Variants in RPA3 observed in about 807,000 individuals in gnomAD.
RPA3 encodes the protein replication protein A 14 kDa subunit.
In RPA3, 24 loss-of-function variants were observed where a neutral mutation model predicts 13.7. That is an observed-to-expected ratio of 1.75 (90% confidence interval 1.27 to 2.46). RPA3 has a LOEUF of 2.46. Ranked by LOEUF, RPA3 falls within the 30% of genes most tolerant of loss-of-function variation. The pLI, the probability that RPA3 is intolerant of heterozygous loss-of-function variation, is 0.00. For missense variants in RPA3, 183 were observed against 151.0 expected, an observed-to-expected ratio of 1.21 and a Z score of -1.11; for synonymous variants, 59 against 51.2, an observed-to-expected ratio of 1.15 and a Z score of -0.65.
intron 2 of RPA3, among the ~76,000 whole-genome samples, chr7:7,696,874 T>G (rs1259824901): frequency 6.6e-6 from 1 of 152,078 alleles, no homozygotes; most frequent in African/African-American, 2.4e-5. Context: ...TTTCAGACAT[T>G]CCTTCTGAAA....
At chr7:7,644,686 T>A (rs1035425984) in intron 4 of RPA3, among the ~76,000 whole-genome samples, 3 of 152,216 alleles carry the variant, frequency 2.0e-5, no homozygotes, top group Non-Finnish European at 4.4e-5. Flanking sequence ...GTGGAGTCAA[T>A]TCTATTCTAT....
At chr7:7,690,073 T>C (rs1780137934) in intron 2 of RPA3, among the ~76,000 whole-genome samples, 1 of 152,164 alleles carries the variant, frequency 6.6e-6, no homozygotes. Context: ...CATTATATTT[T>C]CCCACCCATT....
At chr7:7,654,273 C>A (rs997382995) in intron 4 of RPA3, among the ~76,000 whole-genome samples, 1 of 152,134 alleles carries the variant, frequency 6.6e-6, no homozygotes, top group Admixed American at 6.5e-5. Flanking sequence ...AATTGTTTGA[C>A]GTCTGTTTTA....
chr7:7,640,192 T>C (rs1784932378), intron 5 of RPA3, 128 bp downstream of exon 5: 3 of 984,944 alleles, frequency 3.0e-6, no homozygotes, highest in Non-Finnish European at 4.7e-6. Context: ...AAAAGTTCCT[T>C]GTGCAAAATA....
chr7:7,708,083 C>G (rs1332122477), intron 2 of RPA3, among the ~76,000 whole-genome samples: 1 of 152,154 alleles, frequency 6.6e-6, no homozygotes, highest in Admixed American at 6.6e-5. Context: ...AGTCGTCATT[C>G]TTCTCTTAGC....
At chr7:7,656,735 G>C (rs1484285176) in intron 4 of RPA3, among the ~76,000 whole-genome samples, 1 of 152,126 alleles carries the variant, frequency 6.6e-6, no homozygotes, top group African/African-American at 2.4e-5. Context: ...ATTTGGTTTG[G>C]TTCCAAGTCT....
intron 4 of RPA3, among the ~76,000 whole-genome samples, chr7:7,654,431 G>C (rs919281651): frequency 1.3e-5 from 2 of 152,208 alleles, no homozygotes; most frequent in African/African-American, 4.8e-5. Context: ...AGACAGTACA[G>C]TTATCCTTCG....
intron 4 of RPA3, among the ~76,000 whole-genome samples, chr7:7,675,617 T>C (rs1779718920): frequency 6.6e-6 from 1 of 152,184 alleles, no homozygotes; most frequent in African/African-American, 2.4e-5. Context: ...AAGAAGGAAT[T>C]TCCGGGACCT....
intron 4 of RPA3, among the ~76,000 whole-genome samples, chr7:7,678,787 A>G (rs867800164): frequency 0.019 from 494 of 26,158 alleles, 2 homozygotes; most frequent in East Asian, 0.044. Context: ...ATATATTTAT[A>G]TATTTAGTTT....
intron 4 of RPA3, among the ~76,000 whole-genome samples, chr7:7,652,930 G>C (rs1159675159): frequency 6.6e-6 from 1 of 152,142 alleles, no homozygotes; most frequent in East Asian, 1.9e-4. Flanking sequence ...AAATGAGCGA[G>C]CAAATAGAAT....
Position 7,654,902 on chromosome 7 carries a change from CAAA to C in RPA3, c.-757-13730_-757-13728del, listed in dbSNP as rs71010994. Among the ~76,000 whole-genome samples the C allele has an allele frequency of 4.9e-3, 679 of 139,420 alleles. 2 individuals are homozygous for C. Among genetic ancestry groups the C allele is most frequent in the African/African-American group, 0.017 (646 of 36,942 alleles). 91.5% of individuals were successfully genotyped at this position (139,420 alleles called of 152,430 possible). On this transcript the variant is annotated intron_variant, in intron 4 of 7. Transcript: ENST00000223129. ...TGAGTGACAGAGTAAGACTCTGTCT[CAAA>C]AAAAAAAAAAAAATTTGTGATATTT...
chr7:7,667,196 C>T (rs1476046234), intron 4 of RPA3, among the ~76,000 whole-genome samples: 1 of 152,156 alleles, frequency 6.6e-6, no homozygotes, highest in East Asian at 1.9e-4. Flanking sequence ...GGTTCTAGCT[C>T]AGATAGGTAA....
chr7:7,663,885 C>G (rs1033708810), intron 4 of RPA3, among the ~76,000 whole-genome samples: 1 of 152,124 alleles, frequency 6.6e-6, no homozygotes, highest in African/African-American at 2.4e-5. Flanking sequence ...CTAGTCAAAA[C>G]AAGCAAAGGT....
At chr7:7,648,067 A>T (rs564011741) in intron 4 of RPA3, among the ~76,000 whole-genome samples, 402 of 152,326 alleles carry the variant, frequency 2.6e-3, no homozygotes, top group Non-Finnish European at 4.3e-3. Flanking sequence ...TTTGTAGCTT[A>T]GCTGACAGCT....
intron 2 of RPA3, among the ~76,000 whole-genome samples, chr7:7,709,084 T>A (rs1780682760): frequency 6.6e-6 from 1 of 152,188 alleles, no homozygotes; most frequent in South Asian, 2.1e-4. Flanking sequence ...TCTTTCAGTG[T>A]CTTGCATAAT....
In RPA3 at chr7:7,687,288, A is replaced by G. The variant is rs1780062235; in HGVS notation, c.-987T>C. 6.6e-6 allele frequency: 1 copy of G among 152,222 alleles called. No individual in the cohort carries two copies. The highest frequency in any genetic ancestry group is 6.5e-5 in the Admixed American group (1 of 15,278). The allele number at this position is 152,222 out of a possible 1,614,324, so 9.4% of individuals were successfully genotyped here. A position where few individuals can be genotyped will look rare whatever the true frequency, so the allele number is the denominator to read the frequency against. On this transcript the variant is annotated 5_prime_UTR_variant, in exon 3 of 8. The change abolishes an upstream ATG in the 5' untranslated region. Coordinates refer to ENST00000223129, the MANE Select transcript of RPA3 (RefSeq NM_002947.5). Reference sequence around the variant, plus strand: ...AATGATATCATGGTGTCTTCATTACATTGTTGCAGGAGATGAAGCAAAAGG... The same window carrying G: ...AATGATATCATGGTGTCTTCATTACGTTGTTGCAGGAGATGAAGCAAAAGG...
At chr7:7,699,049 TGG>T (rs63713363) in intron 2 of RPA3, among the ~76,000 whole-genome samples, 51,204 of 143,612 alleles carry the variant, frequency 0.36, 8,855 homozygotes, top group South Asian at 0.39. Context: ...TGTGTGTGTG[TGG>T]GGGGGGGGTA....
chr7:7,647,759 G>C (rs1227420972), intron 4 of RPA3, among the ~76,000 whole-genome samples: 2 of 152,128 alleles, frequency 1.3e-5, no homozygotes, highest in East Asian at 3.9e-4. Context: ...ATCACACCCA[G>C]CTAATTTAAA....
chr7:7,695,516 G>A (rs1440785973), intron 2 of RPA3, among the ~76,000 whole-genome samples: 1 of 151,864 alleles, frequency 6.6e-6, no homozygotes, highest in African/African-American at 2.4e-5. Context: ...TTACTTTCAG[G>A]CATAGAACTT....
Sources: gnomAD v4.1 joint callset for allele counts (sites outside exome capture counted in the v4.1 genomes callset) on GRCh38, gnomAD v4.1.1 for gene constraint, MANE v1.5 for transcripts, NCBI Gene and HGNC (gene_info 2026-07-23, HGNC 2026-07-21) for gene names.